Variants in PELI2 observed in about 807,000 individuals in gnomAD.
PELI2 encodes the protein pellino E3 ubiquitin protein ligase family member 2, also known as E3 ubiquitin-protein ligase pellino homolog 2.
A neutral mutation model predicts 42.3 loss-of-function variants in PELI2; 23 were observed. The observed-to-expected ratio is 0.54, with a 90% CI of 0.39 to 0.77. The LOEUF (loss-of-function observed/expected upper bound fraction) is 0.77. Among genes scored for constraint, PELI2 ranks in the 30% least tolerant of loss-of-function variants. The pLI, the probability that PELI2 is intolerant of heterozygous loss-of-function variation, is 0.00. For missense variants in PELI2, 463 were observed against 553.2 expected (o/e 0.84, Z 1.64); for synonymous variants, 245 against 212.2 (o/e 1.15, Z -1.34).
At chr14:56,155,240 GT>G (rs35149171) in intron 1 of PELI2, among the ~76,000 whole-genome samples, 62,199 of 146,808 alleles carry the variant, frequency 0.42, 13,244 homozygotes, top group South Asian at 0.52. Context: ...AATCTGTTGG[GT>G]TTTTTTTTTT....
At chr14:56,214,423 T>C (rs530008702) in intron 2 of PELI2, among the ~76,000 whole-genome samples, 23 of 152,336 alleles carry the variant, frequency 1.5e-4, no homozygotes, top group African/African-American at 5.0e-4. Flanking sequence ...AAGTATTGTT[T>C]AGAATATCTA....
At chr14:56,258,533 G>C (rs894925887) in intron 2 of PELI2, among the ~76,000 whole-genome samples, 2 of 151,712 alleles carry the variant, frequency 1.3e-5, no homozygotes, top group African/African-American at 4.8e-5. Flanking sequence ...TCAGAAAAAA[G>C]GTTCAAGTGA....
intron 1 of PELI2, among the ~76,000 whole-genome samples, chr14:56,136,372 A>G (rs1392195263): frequency 6.6e-6 from 1 of 152,218 alleles, no homozygotes. Flanking sequence ...ATAATTTAGA[A>G]GCATCACTGC....
Position 56,288,463 on chromosome 14 carries a change from C to T in PELI2, c.336C>T (p.Ile112=), listed in dbSNP as rs141178826. Residue 112 remains isoleucine (I), a synonymous_variant, in exon 4 of 6, where the codon ATC becomes ATT. Coordinates refer to ENST00000267460, the MANE Select transcript of PELI2 (RefSeq NM_021255.3). The surrounding 1 kb of genome is among the most constrained non-coding windows in gnomAD (Gnocchi z 4.6). ...FQVGRSTESP[I]DFVVTDTISG... is the part of the protein sequence containing the mutation. The stretch of plus-strand genomic sequence containing the variant: ...TGGGCAGATCAACAGAAAGCCCTAT[C>T]GACTTCGTTGTCACAGACACGATTT... 1.2e-4 allele frequency: 197 copies of T among 1,613,926 alleles called. 1 individual carries two copies. The African/African-American group carries it at 1.9e-3, about 16-fold the overall frequency.
At chr14:56,275,612 A>T (rs901212545) in intron 2 of PELI2, among the ~76,000 whole-genome samples, 8 of 152,162 alleles carry the variant, frequency 5.3e-5, no homozygotes, top group African/African-American at 1.9e-4. Context: ...ATGAGAACCT[A>T]ATGCCGCTGC....
intron 2 of PELI2, among the ~76,000 whole-genome samples, chr14:56,182,040 A>G (rs1482096517): frequency 6.6e-6 from 1 of 152,044 alleles, no homozygotes; most frequent in Non-Finnish European, 1.5e-5. Context: ...AAACACATCC[A>G]CATGGAGCTA....
intron 2 of PELI2, among the ~76,000 whole-genome samples, chr14:56,184,184 TTAGCAGTTTGGCTCTATTACATGA>T (rs1885687538): frequency 6.6e-6 from 1 of 152,106 alleles, no homozygotes; most frequent in Non-Finnish European, 1.5e-5. Context: ...GACAATTTTT[TTAGCAGTTTGGCTCTATTACATGA>T]TATACTAACC....
At chr14:56,134,537 A>T (rs1353441077) in intron 1 of PELI2, among the ~76,000 whole-genome samples, 1 of 152,114 alleles carries the variant, frequency 6.6e-6, no homozygotes, top group African/African-American at 2.4e-5. Flanking sequence ...TTGTGCTTAT[A>T]ATCTATATGT....
chr14:56,238,097 A>C (rs1887858400), intron 2 of PELI2, among the ~76,000 whole-genome samples: 1 of 145,312 alleles, frequency 6.9e-6, no homozygotes, highest in Admixed American at 7.1e-5. Flanking sequence ...ATTATCTAGA[A>C]TCTGAAAATC....
intron 2 of PELI2, among the ~76,000 whole-genome samples, chr14:56,222,904 G>C (rs184778543): frequency 6.6e-6 from 1 of 152,342 alleles, no homozygotes; most frequent in African/African-American, 2.4e-5. Flanking sequence ...GTGGGCGAAG[G>C]TGTTGATGGA....
chr14:56,259,829 T>C (rs1888652801), intron 2 of PELI2, among the ~76,000 whole-genome samples: 1 of 152,140 alleles, frequency 6.6e-6, no homozygotes, highest in Admixed American at 6.6e-5. Flanking sequence ...TCTTCTATAT[T>C]AGCAATAAGT....
chr14:56,151,290 C>T (rs1469866728), intron 1 of PELI2, among the ~76,000 whole-genome samples: 1 of 152,074 alleles, frequency 6.6e-6, no homozygotes, highest in African/African-American at 2.4e-5. Context: ...CTAGCCAGTG[C>T]ATTGTTGTGC....
intron 1 of PELI2, among the ~76,000 whole-genome samples, chr14:56,145,490 A>G (rs1884081002): frequency 6.6e-6 from 1 of 152,246 alleles, no homozygotes; most frequent in South Asian, 2.1e-4. Context: ...TTTCAGTCAC[A>G]GAATGCCTGC....
chr14:56,160,423 T>A (rs1884718678), intron 1 of PELI2, among the ~76,000 whole-genome samples: 1 of 152,070 alleles, frequency 6.6e-6, no homozygotes, highest in Non-Finnish European at 1.5e-5. Flanking sequence ...CGGGTGAGGG[T>A]AGGGGGCTGA....
chr14:56,169,382 T>G (rs1030802976), intron 1 of PELI2, among the ~76,000 whole-genome samples: 1 of 152,204 alleles, frequency 6.6e-6, no homozygotes, highest in Non-Finnish European at 1.5e-5. Context: ...GACCACTGGA[T>G]AGGCGATTGG....
chr14:56,161,145 G>T (rs1297235361), intron 1 of PELI2, among the ~76,000 whole-genome samples: 8 of 152,206 alleles, frequency 5.3e-5, no homozygotes, highest in Admixed American at 5.2e-4. Context: ...AATCACACGT[G>T]TAAGACATGC....
intron 2 of PELI2, among the ~76,000 whole-genome samples, chr14:56,263,214 G>A (rs1018701721): frequency 6.6e-6 from 1 of 152,060 alleles, no homozygotes; most frequent in African/African-American, 2.4e-5. Flanking sequence ...TCCCATCTTG[G>A]CCTCCCAAAG....
chr14:56,227,847 T>C (rs1887414675), intron 2 of PELI2, among the ~76,000 whole-genome samples: 2 of 152,190 alleles, frequency 1.3e-5, no homozygotes, highest in Admixed American at 1.3e-4. Flanking sequence ...TACAGAGGGC[T>C]TTCAGAAGGG....
At chr14:56,205,347 A>C (rs1470828806) in intron 2 of PELI2, among the ~76,000 whole-genome samples, 1 of 152,180 alleles carries the variant, frequency 6.6e-6, no homozygotes, top group African/African-American at 2.4e-5. Flanking sequence ...GGATTTACTC[A>C]TATATATTTT....
Sources: gnomAD v4.1 joint callset for allele counts (sites outside exome capture counted in the v4.1 genomes callset) on GRCh38, gnomAD v4.1.1 for gene constraint, Gnocchi (gnomAD v3.1) non-coding constraint, MANE v1.5 for transcripts, NCBI Gene and HGNC (gene_info 2026-07-23, HGNC 2026-07-21) for gene names.